RHEX: variants seen among roughly 807,000 people sequenced by gnomAD.
RHEX encodes the protein regulator of hemoglobinization and erythroid cell expansion.
RHEX carries 18 observed loss-of-function variants against 20.1 expected under a neutral mutation model. The ratio of observed to expected loss-of-function variants is 0.90; its 90% CI spans 0.62 to 1.33. The LOEUF is 1.33. RHEX is among the 40% of genes most tolerant of loss of function. The pLI is 0.00. For synonymous variants in RHEX, 87 were observed against 77.1 expected (o/e 1.13, Z -0.67); for missense variants, 192 against 214.3 (o/e 0.90, Z 0.65).
chr1:206,092,662 T>C (rs1041479589), intron 1 of RHEX, among the ~76,000 whole-genome samples: 2 of 152,200 alleles, frequency 1.3e-5, no homozygotes, highest in South Asian at 4.1e-4. Flanking sequence ...TTTTGTAGTC[T>C]AACTTTTTTT....
chr1:206,088,666 A>G (rs1285076137), intron 1 of RHEX, among the ~76,000 whole-genome samples: 2 of 152,342 alleles, frequency 1.3e-5, no homozygotes, highest in East Asian at 3.9e-4. Context: ...CTGGGGACAG[A>G]GCGAGACTCC....
chr1:206,066,343 A>G (rs1662421961), intron 1 of RHEX, among the ~76,000 whole-genome samples: 1 of 152,248 alleles, frequency 6.6e-6, no homozygotes, highest in South Asian at 2.1e-4. Context: ...TGGGCCAGGC[A>G]CAGTGGCTCA....
intron 1 of RHEX, among the ~76,000 whole-genome samples, chr1:206,077,786 C>G (rs1553285427): frequency 6.6e-6 from 1 of 152,158 alleles, no homozygotes; most frequent in Non-Finnish European, 1.5e-5. Flanking sequence ...TATAGAGATG[C>G]TACGTAGTTG....
intron 1 of RHEX, among the ~76,000 whole-genome samples, chr1:206,076,140 A>T (rs149370589): frequency 6.6e-6 from 1 of 151,620 alleles, no homozygotes; most frequent in African/African-American, 2.4e-5. Context: ...ACAAAAAAAC[A>T]TGGATCACCA....
intron 1 of RHEX, among the ~76,000 whole-genome samples, chr1:206,076,186 G>T (rs745984239): frequency 3.9e-4 from 59 of 150,232 alleles, no homozygotes; most frequent in Non-Finnish European, 7.8e-4. Context: ...ACAGGGTTTT[G>T]CTCTGTCACC....
chr1:206,084,619 TG>T (rs1356682418), intron 1 of RHEX, among the ~76,000 whole-genome samples: 1 of 152,176 alleles, frequency 6.6e-6, no homozygotes, highest in Non-Finnish European at 1.5e-5. Flanking sequence ...AAGGAAGACT[TG>T]TTGATTGGCT....
At chr1:206,054,393 A>T (rs1662144292) in intron 1 of RHEX, among the ~76,000 whole-genome samples, 1 of 152,270 alleles carries the variant, frequency 6.6e-6, no homozygotes, top group African/African-American at 2.4e-5. Flanking sequence ...AAGGTGTATA[A>T]GAAAAGTAAA....
Position 206,083,564 on chromosome 1 carries a change from A to G in RHEX, c.-96-14169A>G, listed in dbSNP as rs941955098. On this transcript the variant is annotated intron_variant, in intron 1 of 5. Coordinates refer to ENST00000331555, the MANE Select transcript of RHEX (RefSeq NM_001007544.4). ...TCCAGTGACACAGAAGCTTCTGGGT[A>G]GGGGCTGGAGAAGGGTCGGGGAGAT... 4.0e-5 allele frequency: 39 copies of G among 985,218 alleles called. No homozygotes were observed. The African/African-American group carries it at 6.5e-4, about 16-fold the overall frequency. 61.0% of individuals were successfully genotyped at this position (985,218 alleles called of 1,614,324 possible).
In RHEX at chr1:206,090,475, G is replaced by C. The variant is rs973031947; in HGVS notation, c.-96-7258G>C. On this transcript the variant is annotated intron_variant, in intron 1 of 5. Coordinates refer to ENST00000331555, the MANE Select transcript of RHEX (RefSeq NM_001007544.4). ...ACCCTCCTTGGCCTCCCAAAGTGCTGGGATTACAGGTGTGAGCCACCGCGC... is the reference window on the plus strand; with the variant it reads ...ACCCTCCTTGGCCTCCCAAAGTGCTCGGATTACAGGTGTGAGCCACCGCGC... Among the ~76,000 whole-genome samples the C allele has an allele frequency of 5.2e-4, 79 of 151,858 alleles. 1 individual carries two copies. Among genetic ancestry groups the C allele is most frequent in the African/African-American group, 1.9e-3 (77 of 41,466 alleles).
intron 1 of RHEX, chr1:206,061,396 C>T (rs183071898): frequency 3.9e-5 from 6 of 152,314 alleles, no homozygotes; most frequent in East Asian, 3.9e-4. Context: ...CACAAGTCCT[C>T]GGTAAGGAAC....
intron 1 of RHEX, among the ~76,000 whole-genome samples, chr1:206,062,891 C>A (rs1471310459): frequency 6.6e-6 from 1 of 152,202 alleles, no homozygotes; most frequent in African/African-American, 2.4e-5. Flanking sequence ...CCTGGGAATA[C>A]AGCAGTGATC....
chr1:206,068,627 G>T (rs1364611002), intron 1 of RHEX, among the ~76,000 whole-genome samples: 1 of 152,112 alleles, frequency 6.6e-6, no homozygotes, highest in African/African-American at 2.4e-5. Flanking sequence ...CAGAATCTCA[G>T]GATGGGCCCC....
intron 1 of RHEX, among the ~76,000 whole-genome samples, chr1:206,072,076 G>C (rs34878590): frequency 1.1e-4 from 17 of 151,982 alleles, no homozygotes; most frequent in African/African-American, 3.9e-4. Flanking sequence ...AAACAGGAAC[G>C]CAACAAATAA....
In RHEX at chr1:206,091,273, T is replaced by G. The variant is rs185324545; in HGVS notation, c.-96-6460T>G. Among the ~76,000 whole-genome samples, 674 of 152,342 alleles carry G rather than the reference T, an allele frequency of 4.4e-3. 6 individuals carry two copies. The highest frequency in any genetic ancestry group is 0.017 in the South Asian group (84 of 4,828). ...CTCAGTAAATATTCAATACCCTTATTATTATTAGAGATGGGAGGAACTTTC... is the reference window on the plus strand; with the variant it reads ...CTCAGTAAATATTCAATACCCTTATGATTATTAGAGATGGGAGGAACTTTC... On this transcript the variant is annotated intron_variant, in intron 1 of 5. Coordinates refer to ENST00000331555, the MANE Select transcript of RHEX (RefSeq NM_001007544.4).
rs1663105621 is a variant in RHEX, at chr1:206,097,825, C to T, written c.-4C>T. On this transcript the variant is annotated 5_prime_UTR_variant, in exon 2 of 6. Coordinates refer to ENST00000331555, the MANE Select transcript of RHEX (RefSeq NM_001007544.4). Reference sequence around the variant, plus strand: ...AGCCCCAACTTATCAGCAAGGAGCTCATCATGCTGACAGAGTGAGTGGGCC... The same window carrying T: ...AGCCCCAACTTATCAGCAAGGAGCTTATCATGCTGACAGAGTGAGTGGGCC... 1 of 1,612,822 alleles carries T rather than the reference C, an allele frequency of 6.2e-7. No homozygotes were observed.
intron 1 of RHEX, among the ~76,000 whole-genome samples, chr1:206,069,305 C>G (rs1248673780): frequency 6.6e-6 from 1 of 152,228 alleles, no homozygotes; most frequent in Non-Finnish European, 1.5e-5. Flanking sequence ...AGAGAATTAT[C>G]TAGCCCCAAA....
intron 1 of RHEX, among the ~76,000 whole-genome samples, chr1:206,074,748 T>C (rs1181039428): frequency 6.6e-6 from 1 of 152,164 alleles, no homozygotes; most frequent in African/African-American, 2.4e-5. Context: ...GGTGCTGACA[T>C]GATGCCACAG....
At chr1:206,081,231 A>G (rs1201949421) in intron 1 of RHEX, among the ~76,000 whole-genome samples, 1 of 152,210 alleles carries the variant, frequency 6.6e-6, no homozygotes, top group African/African-American at 2.4e-5. Context: ...CAGCACCTTA[A>G]TTCACTCATT....
At chr1:206,079,792 G>T (rs1248850147) in intron 1 of RHEX, among the ~76,000 whole-genome samples, 1 of 152,174 alleles carries the variant, frequency 6.6e-6, no homozygotes, top group African/African-American at 2.4e-5. Flanking sequence ...CTGACCTTGT[G>T]ATCTGCCTCT....
Sources: allele counts gnomAD v4.1 joint callset (sites outside exome capture counted in the v4.1 genomes callset), GRCh38; gene constraint gnomAD v4.1.1; transcripts MANE v1.5; gene names NCBI Gene and HGNC (gene_info 2026-07-23, HGNC 2026-07-21).